The following GBP5 variants were observed in gnomAD, a reference collection of about 807,000 sequenced individuals.
GBP5 encodes guanylate binding protein 5, also known as guanylate-binding protein 5.
A neutral mutation model predicts 58.2 loss-of-function variants in GBP5; 48 were observed. The ratio of observed to expected loss-of-function variants is 0.83; its 90% CI spans 0.65 to 1.05. The LOEUF (loss-of-function observed/expected upper bound fraction) is 1.05, where lower values mean the gene tolerates loss of function less well. GBP5 is among the 50% of genes least tolerant of loss of function. The pLI, the probability that GBP5 is intolerant of heterozygous loss-of-function variation, is 0.00. For synonymous variants in GBP5, 248 were observed against 251.8 expected (o/e 0.98, Z 0.14); for missense variants, 714 against 686.8 (o/e 1.04, Z -0.44).
At chr1:89,270,361 C>T (rs780329423) in intron 2 of GBP5, 7 of 152,108 alleles carry the variant, frequency 4.6e-5, no homozygotes, top group Non-Finnish European at 7.4e-5. Flanking sequence ...TAGTTTTCTT[C>T]CATTTTAAAG....
intron 11 of GBP5, among the ~76,000 whole-genome samples, chr1:89,261,256 G>A (rs1441351701): frequency 6.6e-6 from 1 of 152,230 alleles, no homozygotes; most frequent in Non-Finnish European, 1.5e-5. Flanking sequence ...GGTCACCACA[G>A]AAGTAGGAGA....
chr1:89,260,510 C>G lies in GBP5; in HGVS notation c.*194G>C. On this transcript the variant is annotated 3_prime_UTR_variant, in exon 12 of 12. Transcript: ENST00000370459. ...ATAATCTCTTAAAGGAAGCAATAAA[C>G]ATTTAAACTATTGGACTACTGGGAT... 2.0e-6 allele frequency: 1 copy of G among 507,036 alleles called. No individual in the cohort carries two copies. Among genetic ancestry groups the G allele is most frequent in the Non-Finnish European group, 3.5e-6 (1 of 284,312 alleles). 31.4% of individuals were successfully genotyped at this position (507,036 alleles called of 1,614,324 possible).
rs149475068 is a variant in GBP5 at position 89,264,707 on chromosome 1, T to G, written c.1128A>C (p.Gln376His). 1.4e-5 allele frequency: 22 copies of G among 1,613,728 alleles called. No homozygotes were observed. The African/African-American group carries it at 1.9e-4, about 14-fold the overall frequency. Residue 376 changes from glutamine to histidine, a missense_variant, in exon 8 of 12, where the codon CAA becomes CAC. Coordinates refer to ENST00000370459, the MANE Select transcript of GBP5 (RefSeq NM_052942.5). ...FMKNSFKDVDQSFQKELETLL... is the reference protein window; with the variant it reads ...FMKNSFKDVDHSFQKELETLL... ...TCACCTCCAATTCTTTCTGGAAACTTTGGTCTACATCCTTGAAAGAGTTTT... is the reference window on the plus strand; with the variant it reads ...TCACCTCCAATTCTTTCTGGAAACTGTGGTCTACATCCTTGAAAGAGTTTT...
Position 89,256,634 on chromosome 1 carries a change from C to T in GBP5, c.*4070G>A, listed in dbSNP as rs182805306. Among the ~76,000 whole-genome samples the T allele has an allele frequency of 3.3e-5, 5 of 152,264 alleles. No individual in the cohort carries two copies. The highest frequency in any genetic ancestry group is 1.2e-4 in the African/African-American group (5 of 41,560). ...TGAGACATGGGGTCAAGAGAGATTT[C>T]AAGAGTTTTGAGTCACATTTAGAAA... On this transcript the variant is annotated 3_prime_UTR_variant, in exon 12 of 12. Transcript: ENST00000370459.
chr1:89,269,693 G>GA (rs917805169), intron 2 of GBP5, 119 bp from the exon 3 acceptor site: 286 of 550,288 alleles, frequency 5.2e-4, no homozygotes, highest in South Asian at 1.2e-3. Flanking sequence ...TAAGTTTCTG[G>GA]AAAAAAAAAG....
In GBP5 at chr1:89,272,535, A is replaced by C; in HGVS notation, c.-211T>G. 1 of 162,850 alleles carries C rather than the reference A, an allele frequency of 6.1e-6. No homozygotes were observed. Among genetic ancestry groups the C allele is most frequent in the Non-Finnish European group, 1.3e-5 (1 of 76,658 alleles). The allele number at this position is 162,850 out of a possible 1,614,324, so 10.1% of individuals were successfully genotyped here. A position where few individuals can be genotyped will look rare whatever the true frequency, so the allele number is the denominator to read the frequency against. The stretch of plus-strand genomic sequence containing the variant: ...CTAGCGTTGAGTGTCACGGTTCTTA[A>C]AGGTGGCGTGTCAGGAGTTTGCTCC... On this transcript the variant is annotated 5_prime_UTR_variant, in exon 1 of 12. Transcript: ENST00000370459.
rs748659927 is a variant in GBP5, at chr1:89,260,690, C to A, written c.*14G>T. On this transcript the variant is annotated 3_prime_UTR_variant, in exon 12 of 12. Transcript: ENST00000370459. Reference sequence around the variant, plus strand: ...GACAAAGAGTAAAAAAAGGAAACTCCCATATTTAGCACTTTAGAGTAAAAC... The same window carrying A: ...GACAAAGAGTAAAAAAAGGAAACTCACATATTTAGCACTTTAGAGTAAAAC... 1.3e-6 allele frequency: 2 copies of A among 1,540,780 alleles called. No individual in the cohort carries two copies. The highest frequency in any genetic ancestry group is 1.8e-6 in the Non-Finnish European group (2 of 1,114,000).
In GBP5 at chr1:89,267,479, C is replaced by T; in HGVS notation, c.366G>A (p.Leu122=). 1.9e-6 allele frequency: 3 copies of T among 1,614,058 alleles called. No homozygotes were observed. The highest frequency in any genetic ancestry group is 2.5e-6 in the Non-Finnish European group (3 of 1,179,958). ...CAGTATTGTACACAAAGGTGCTGCTCAGTAAGAGTGCCAGTGCAAAGATCT... is the reference window on the plus strand; with the variant it reads ...CAGTATTGTACACAAAGGTGCTGCTTAGTAAGAGTGCCAGTGCAAAGATCT... The part of the protein sequence containing the change: ...DIQIFALALL[L]SSTFVYNTVN... The change falls in exon 5 of 12, where the codon CTG becomes CTA. Residue 122 remains leucine, a synonymous_variant. Coordinates refer to ENST00000370459, the MANE Select transcript of GBP5 (RefSeq NM_052942.5).
chr1:89,260,909 G>A (rs535351), intron 11 of GBP5, 92 bp from the exon 12 acceptor site: 596,293 of 824,022 alleles, frequency 0.72, 218,247 homozygotes, highest in Middle Eastern at 0.79. Context: ...TACAGTAGCA[G>A]TAAACAGTTC....
rs545288733 is a variant in GBP5, at chr1:89,267,126, G to C, written c.456C>G (p.Leu152=). The change falls in exon 6 of 12, where the codon CTC becomes CTG. Residue 152 remains leucine, a synonymous_variant. Coordinates refer to ENST00000370459, the MANE Select transcript of GBP5 (RefSeq NM_052942.5). The part of the protein sequence containing the change: ...LHNVTELTDL[L]KARNSPDLDR... ...CAAGGTCGGGTGAGTTTCTTGCCTT[G>C]AGCAGATCTGTCAGTTCTGTCACAT... 1.7e-5 allele frequency: 28 copies of C among 1,601,794 alleles called. No homozygotes were observed. Among genetic ancestry groups the C allele is most frequent in the Non-Finnish European group, 2.1e-5 (25 of 1,176,872 alleles).
Position 89,267,048 on chromosome 1 carries a change from C to T in GBP5, c.534G>A (p.Trp178Ter), listed in dbSNP as rs370471217. ...DSASFFPDLV[W>*]TLRDFCLGLE... ...GGCCTAAGCAGAAATCTCTCAGAGT[C>T]CACACTAAGTCTGGGAAGAAGCTCG... Residue 178 changes from tryptophan to a stop codon, truncating the protein, a stop_gained, in exon 6 of 12, where the codon TGG (tryptophan) becomes TGA (stop). Coordinates refer to ENST00000370459, the MANE Select transcript of GBP5 (RefSeq NM_052942.5). LOFTEE classifies it high-confidence loss of function. 8 of 1,612,606 alleles carry T rather than the reference C, an allele frequency of 5.0e-6. No homozygotes were observed. The East Asian group carries it at 1.3e-4, about 27-fold the overall frequency.
chr1:89,262,989 G>GCC, intron 9 of GBP5: 1 of 411,514 alleles, frequency 2.4e-6, no homozygotes. Context: ...GAGGCTTGTG[G>GCC]AACACCTGCT....
intron 3 of GBP5, 116 bp from the exon 4 acceptor site, chr1:89,268,972 C>T: frequency 9.7e-7 from 1 of 1,027,078 alleles, no homozygotes; most frequent in East Asian, 2.4e-5. Flanking sequence ...GAATGTACAA[C>T]CAGTATTGAT....
intron 10 of GBP5, 99 bp downstream of exon 10, chr1:89,262,584 C>T: frequency 1.1e-6 from 1 of 932,096 alleles, no homozygotes. Context: ...GCATCTTTGC[C>T]ATTCTTGCTC....
chr1:89,256,553 A>T lies in GBP5; in HGVS notation c.*4151T>A, dbSNP rs1291833562. Reference sequence around the variant, plus strand: ...ATAATTTTGAAAAACAGAGAATGGGATGTAACTAACTAAAATATTGCTTTG... The same window carrying T: ...ATAATTTTGAAAAACAGAGAATGGGTTGTAACTAACTAAAATATTGCTTTG... On this transcript the variant is annotated 3_prime_UTR_variant, in exon 12 of 12. Transcript: ENST00000370459. Among the ~76,000 whole-genome samples the T allele has an allele frequency of 6.6e-6, 1 of 152,144 alleles. No homozygotes were observed. The highest frequency in any genetic ancestry group is 6.5e-5 in the Admixed American group (1 of 15,288).
chr1:89,270,468 T>C (rs1570418587), intron 2 of GBP5: 1 of 152,240 alleles, frequency 6.6e-6, no homozygotes, highest in Non-Finnish European at 1.5e-5. Flanking sequence ...TCCATCTCTT[T>C]ACTAGCAAAT....
In GBP5 at chr1:89,262,214, G is replaced by A. The variant is rs943917419; in HGVS notation, c.1647+6C>T. On this transcript the variant is annotated splice_donor_region_variant and intron_variant, in intron 11 of 11. Coordinates refer to ENST00000370459, the MANE Select transcript of GBP5 (RefSeq NM_052942.5). Reference sequence around the variant, plus strand: ...GCAGGGGAGAGATGAAACAATTGATGAATACCTGCATCTGTTGTTCCTGCA... The same window carrying A: ...GCAGGGGAGAGATGAAACAATTGATAAATACCTGCATCTGTTGTTCCTGCA... The A allele has an allele frequency of 1.9e-6, 3 of 1,613,656 alleles. No individual in the cohort carries two copies. In the South Asian group the frequency reaches 3.3e-5, roughly 18 times the overall value.
intron 9 of GBP5, 116 bp downstream of exon 9, chr1:89,263,619 CT>C: frequency 1.5e-6 from 1 of 687,380 alleles, no homozygotes; most frequent in Non-Finnish European, 2.6e-6. Flanking sequence ...AGGATTACTA[CT>C]AGACAGAGAC....
At chr1:89,264,989 T>C in intron 7 of GBP5, 23 bp from the exon 8 acceptor site, 1 of 1,592,084 alleles carries the variant, frequency 6.3e-7, no homozygotes, top group Non-Finnish European at 8.6e-7. Flanking sequence ...AAGAAACATT[T>C]ATATTATTTG....
Sources: allele counts gnomAD v4.1 joint callset (sites outside exome capture counted in the v4.1 genomes callset), GRCh38; gene constraint gnomAD v4.1.1; transcripts MANE v1.5; gene names NCBI Gene and HGNC (gene_info 2026-07-23, HGNC 2026-07-21).